PAM: variants seen among roughly 807,000 people sequenced by gnomAD.
PAM encodes peptidylglycine alpha-amidating monooxygenase.
A neutral mutation model predicts 122.1 loss-of-function variants in PAM; 72 were observed. The ratio of observed to expected loss-of-function variants is 0.59; its 90% CI spans 0.49 to 0.72. The LOEUF (loss-of-function observed/expected upper bound fraction) is 0.72, where lower values mean the gene tolerates loss of function less well. Ranked by LOEUF, PAM falls within the 30% of genes least tolerant of loss-of-function variation. PAM has a pLI of 0.00. For missense variants in PAM, 1,106 were observed against 1,183.7 expected (o/e 0.93, Z 0.96); for synonymous variants, 389 against 404.4 (o/e 0.96, Z 0.46).
At chr5:102,890,354 T>C (rs1469255391) in intron 3 of PAM, among the ~76,000 whole-genome samples, 1 of 151,936 alleles carries the variant, frequency 6.6e-6, no homozygotes, top group Non-Finnish European at 1.5e-5. Flanking sequence ...GCTTATTATC[T>C]ATTGCTTTTA....
At chr5:102,887,504 G>A (rs1338551570) in intron 3 of PAM, among the ~76,000 whole-genome samples, 1 of 151,710 alleles carries the variant, frequency 6.6e-6, no homozygotes, top group African/African-American at 2.4e-5. Context: ...AATGGACTAA[G>A]ACAGTTGTGT....
intron 15 of PAM, among the ~76,000 whole-genome samples, chr5:102,987,964 A>G (rs1354835466): frequency 6.6e-6 from 1 of 152,186 alleles, no homozygotes; most frequent in Non-Finnish European, 1.5e-5. Context: ...CTAATAAAGT[A>G]CTTGTAATGT....
At chr5:102,951,162 C>G (rs1259652984) in intron 12 of PAM, among the ~76,000 whole-genome samples, 1 of 151,858 alleles carries the variant, frequency 6.6e-6, no homozygotes, top group Non-Finnish European at 1.5e-5. Context: ...CCTTTTTGCC[C>G]TGTGTTCACG....
intron 3 of PAM, among the ~76,000 whole-genome samples, chr5:102,895,146 G>GT (rs1357284670): frequency 1.3e-5 from 2 of 151,718 alleles, no homozygotes; most frequent in African/African-American, 4.8e-5. Flanking sequence ...ACTGGCTTTT[G>GT]TTTTTTCTGT....
chr5:102,769,225 G>A (rs996960148), intron 1 of PAM, among the ~76,000 whole-genome samples: 3 of 151,708 alleles, frequency 2.0e-5, no homozygotes, highest in African/African-American at 7.3e-5. Flanking sequence ...CAGAGTTGTT[G>A]GAGCTCCTTA....
intron 1 of PAM, among the ~76,000 whole-genome samples, chr5:102,758,068 ATTTTGTTTTTTTTTT>A (rs1751055371): frequency 3.4e-5 from 3 of 87,606 alleles, no homozygotes; most frequent in East Asian, 3.1e-4. Flanking sequence ...AAGACTTAGA[ATTTTGTTTTTTTTTT>A]TTTTTTTTTT....
intron 1 of PAM, among the ~76,000 whole-genome samples, chr5:102,824,231 C>T (rs922752410): frequency 3.3e-5 from 5 of 152,128 alleles, no homozygotes; most frequent in Non-Finnish European, 5.9e-5. Flanking sequence ...AAATATGAGG[C>T]AAGTGTTCAT....
chr5:102,888,755 G>C (rs79716217), intron 3 of PAM, among the ~76,000 whole-genome samples: 8 of 151,790 alleles, frequency 5.3e-5, no homozygotes, highest in African/African-American at 1.7e-4. Flanking sequence ...GAGCCTCTCT[G>C]ATGCTGAGAG....
intron 1 of PAM, among the ~76,000 whole-genome samples, chr5:102,814,275 A>C (rs1768908642): frequency 6.6e-6 from 1 of 152,208 alleles, no homozygotes; most frequent in Non-Finnish European, 1.5e-5. Context: ...CTCAGTAGAG[A>C]AAATGACAGA....
At chr5:102,836,580 G>A (rs1327540948) in intron 1 of PAM, among the ~76,000 whole-genome samples, 1 of 152,074 alleles carries the variant, frequency 6.6e-6, no homozygotes, top group Non-Finnish European at 1.5e-5. Context: ...AGGTAGCTGA[G>A]GGATTGATGC....
At chr5:102,942,586 ATT>A (rs556042211) in intron 7 of PAM, among the ~76,000 whole-genome samples, 2 of 145,850 alleles carry the variant, frequency 1.4e-5, no homozygotes, top group Admixed American at 6.9e-5. Context: ...AATTTTCTAA[ATT>A]TTTTTTTTTT....
Position 103,028,961 on chromosome 5 carries a change from C to G in PAM, c.2818C>G (p.Arg940Gly). ...RKGYSRKGFD[R>G]LSTEGSDQEK... is the part of the protein sequence containing the mutation. Reference sequence around the variant, plus strand: ...GGGCTACAGTCGAAAAGGGTTTGACCGGCTTAGCACTGAGGGCAGTGACCA... The same window carrying G: ...GGGCTACAGTCGAAAAGGGTTTGACGGGCTTAGCACTGAGGGCAGTGACCA... The change falls in exon 26 of 26, where the codon CGG becomes GGG. Residue 940 changes from arginine (R) to glycine (G), a missense_variant. Physicochemically the swap from Arg to Gly is moderately radical, Grantham distance 125. Around this residue, in one of 3 missense-constraint regions of PAM, gnomAD observed 333 missense variants for 335.6 expected, o/e 0.99. Coordinates refer to ENST00000438793, the MANE Select transcript of PAM (RefSeq NM_001177306.2). 6.2e-7 allele frequency: 1 copy of G among 1,613,410 alleles called. No individual in the cohort carries two copies. Among genetic ancestry groups the G allele is most frequent in the Non-Finnish European group, 8.5e-7 (1 of 1,179,506 alleles).
intron 7 of PAM, among the ~76,000 whole-genome samples, chr5:102,933,811 C>T (rs559241753): frequency 2.6e-5 from 4 of 152,330 alleles, no homozygotes; most frequent in Non-Finnish European, 5.9e-5. Context: ...GAGCAGAGAT[C>T]AGTGGCAAGG....
At chr5:102,909,016 A>G (rs549568272) in intron 4 of PAM, among the ~76,000 whole-genome samples, 1 of 151,968 alleles carries the variant, frequency 6.6e-6, no homozygotes, top group East Asian at 1.9e-4. Context: ...TACTTTGAGC[A>G]GTTTTTGAAG....
chr5:103,002,559 G>A (rs1186447928), intron 16 of PAM, among the ~76,000 whole-genome samples: 1 of 151,888 alleles, frequency 6.6e-6, no homozygotes, highest in Non-Finnish European at 1.5e-5. Flanking sequence ...GTATAATAAC[G>A]AACATTTTGA....
chr5:102,986,717 T>A (rs1211516987), intron 15 of PAM, among the ~76,000 whole-genome samples: 1 of 152,158 alleles, frequency 6.6e-6, no homozygotes, highest in Non-Finnish European at 1.5e-5. Flanking sequence ...ACAATTCCCA[T>A]GTGTCATGGG....
At position 102,827,665 on chromosome 5, in the gene PAM, A is replaced by ATTTTTTT. The variant is rs947792228; in HGVS notation, c.-373-38132_-373-38126dup. On this transcript the variant is annotated intron_variant, in intron 1 of 25. Transcript: ENST00000438793. ...ACAATATCTTTTGAAGCTCACTATG[A>ATTTTTTT]TTTTTTTTTTTTTTTTTTTTTTTTT... 1.4e-3 allele frequency among the ~76,000 whole-genome samples: 51 copies of ATTTTTTT among 35,554 alleles called. 9 individuals are homozygous for ATTTTTTT. Among genetic ancestry groups the ATTTTTTT allele is most frequent in the Non-Finnish European group, 1.7e-3 (40 of 22,872 alleles). The allele number at this position is 35,554 out of a possible 152,430, so 23.3% of individuals were successfully genotyped here.
At chr5:102,879,029 C>T (rs964165961) in intron 3 of PAM, among the ~76,000 whole-genome samples, 9 of 152,138 alleles carry the variant, frequency 5.9e-5, no homozygotes, top group South Asian at 4.1e-4. Flanking sequence ...CCCAGGTTCA[C>T]GCCATTCTCC....
intron 3 of PAM, among the ~76,000 whole-genome samples, chr5:102,876,930 G>A (rs1789411314): frequency 1.3e-5 from 2 of 152,222 alleles, no homozygotes; most frequent in South Asian, 2.1e-4. Flanking sequence ...GCATTGAGCT[G>A]TTAGAAACTG....
Sources: gnomAD v4.1 joint callset for allele counts (sites outside exome capture counted in the v4.1 genomes callset) on GRCh38, gnomAD v4.1.1 for gene constraint, gnomAD v4.1.1 regional missense constraint, MANE v1.5 for transcripts, NCBI Gene and HGNC (gene_info 2026-07-23, HGNC 2026-07-21) for gene names.